The following AGBL1 variants were observed in gnomAD, a reference collection of about 807,000 sequenced individuals.
The protein encoded by AGBL1 is cytosolic carboxypeptidase 4.
Under a neutral mutation model 118.9 loss-of-function variants are expected in AGBL1, and 130 were observed. The observed-to-expected ratio is 1.09, with a 90% confidence interval of 0.95 to 1.26. The LOEUF (loss-of-function observed/expected upper bound fraction) is 1.26. Ranked by LOEUF, AGBL1 falls within the 50% of genes most tolerant of loss-of-function variation. The pLI is 0.00. For synonymous variants in AGBL1, 555 were observed against 478.9 expected, an observed-to-expected ratio of 1.16 and a Z score of -2.08; for missense variants, 1,584 against 1,298.1, an observed-to-expected ratio of 1.22 and a Z score of -3.38.
chr15:86,684,338 G>A (rs138730597), intron 22 of AGBL1, among the ~76,000 whole-genome samples: 340 of 152,214 alleles, frequency 2.2e-3, no homozygotes, highest in African/African-American at 7.9e-3. Flanking sequence ...CTCTCAGGAA[G>A]GAAGGAAGTA....
chr15:86,968,564 G>A lies in AGBL1; in HGVS notation c.3222-19423G>A, dbSNP rs138101347. On this transcript the variant is annotated intron_variant, in intron 23 of 24. Coordinates refer to the AGBL1 transcript ENST00000441037. ...TGGAAGCAAAATGATCTTAGGCCCC[G>A]TGACTACACCATGTAACTAAATTTG... is the stretch of plus-strand genomic sequence containing the variant. 4.8e-3 allele frequency among the ~76,000 whole-genome samples: 728 copies of A among 150,548 alleles called. 8 individuals are homozygous for A. The highest frequency in any genetic ancestry group is 0.017 in the African/African-American group (693 of 41,032).
chr15:86,582,811 T>C, intron 21 of AGBL1, among the ~76,000 whole-genome samples: 1 of 133,710 alleles, frequency 7.5e-6, no homozygotes, highest in Non-Finnish European at 1.5e-5. Flanking sequence ...AATTGAACAA[T>C]GAGAACACAT....
intron 22 of AGBL1, among the ~76,000 whole-genome samples, chr15:86,886,151 A>G (rs1229894522): frequency 6.6e-6 from 1 of 152,222 alleles, no homozygotes; most frequent in Non-Finnish European, 1.5e-5. Flanking sequence ...CTGTTCTCAT[A>G]CTTCATATGA....
intron 22 of AGBL1, among the ~76,000 whole-genome samples, chr15:86,877,556 G>A (rs111590396): frequency 0.023 from 3,527 of 152,244 alleles, 67 homozygotes; most frequent in Middle Eastern, 0.1. Context: ...TAAGTAGAAG[G>A]TAATGAAGCA....
chr15:86,842,125 G>A (rs2079254526), intron 22 of AGBL1, among the ~76,000 whole-genome samples: 1 of 151,928 alleles, frequency 6.6e-6, no homozygotes, highest in South Asian at 2.1e-4. Context: ...TTACCTAGAG[G>A]AAACTGCTTT....
chr15:86,183,486 C>T (rs1165176109), intron 5 of AGBL1, among the ~76,000 whole-genome samples: 1 of 152,080 alleles, frequency 6.6e-6, no homozygotes, highest in African/African-American at 2.4e-5. Flanking sequence ...TCCTGATGTC[C>T]TATGCATATG....
intron 5 of AGBL1, among the ~76,000 whole-genome samples, chr15:86,216,322 T>A (rs928413906): frequency 2.0e-5 from 3 of 152,158 alleles, no homozygotes; most frequent in Non-Finnish European, 4.4e-5. Flanking sequence ...GCAGAATATG[T>A]ATCTTTATCT....
chr15:86,944,819 G>T (rs766401319), intron 23 of AGBL1, among the ~76,000 whole-genome samples: 1 of 152,122 alleles, frequency 6.6e-6, no homozygotes, highest in Non-Finnish European at 1.5e-5. Flanking sequence ...AGGGCAATAA[G>T]TAAGAATCTT....
At chr15:86,418,826 A>T (rs1301279163) in intron 18 of AGBL1, among the ~76,000 whole-genome samples, 1 of 152,054 alleles carries the variant, frequency 6.6e-6, no homozygotes, top group Admixed American at 6.6e-5. Context: ...GCTTGTCGGG[A>T]TGATTTAGTC....
intron 22 of AGBL1, among the ~76,000 whole-genome samples, chr15:86,750,482 C>T (rs1272824401): frequency 6.6e-6 from 1 of 150,754 alleles, no homozygotes; most frequent in African/African-American, 2.4e-5. Context: ...ATGGCTAGAT[C>T]ATCAGTTATT....
intron 21 of AGBL1, among the ~76,000 whole-genome samples, chr15:86,647,475 T>G (rs2142485382): frequency 6.6e-6 from 1 of 152,218 alleles, no homozygotes; most frequent in African/African-American, 2.4e-5. Context: ...CCAAAGCGGG[T>G]AGATCACCTG....
At chr15:86,986,241 A>G (rs995369392) in intron 23 of AGBL1, among the ~76,000 whole-genome samples, 6 of 152,156 alleles carry the variant, frequency 3.9e-5, no homozygotes, top group Admixed American at 1.3e-4. Context: ...CAATTGTTAG[A>G]GTACTATCTG....
chr15:86,427,741 T>C (rs1284402138), intron 18 of AGBL1, among the ~76,000 whole-genome samples: 1 of 152,198 alleles, frequency 6.6e-6, no homozygotes, highest in Non-Finnish European at 1.5e-5. Context: ...TCCCTTAATA[T>C]AGTTAACAGA....
At chr15:86,629,768 G>A (rs907899997) in intron 21 of AGBL1, among the ~76,000 whole-genome samples, 17 of 152,160 alleles carry the variant, frequency 1.1e-4, no homozygotes, top group Middle Eastern at 3.4e-3. Context: ...AGAATTTCCC[G>A]TTCATATTTA....
intron 22 of AGBL1, 50 bp downstream of exon 22, chr15:86,674,486 T>C: frequency 6.4e-7 from 1 of 1,563,760 alleles, no homozygotes; most frequent in Non-Finnish European, 8.7e-7. Context: ...GTGGTTCCAT[T>C]GCTCAATATC....
intron 22 of AGBL1, among the ~76,000 whole-genome samples, chr15:86,766,253 G>T (rs2141280003): frequency 6.6e-6 from 1 of 151,694 alleles, no homozygotes; most frequent in African/African-American, 2.4e-5. Context: ...TGTCTCCCAG[G>T]GTGTACCGCC....
At chr15:86,335,780 G>T (rs2080358435) in intron 17 of AGBL1, among the ~76,000 whole-genome samples, 1 of 152,218 alleles carries the variant, frequency 6.6e-6, no homozygotes, top group Non-Finnish European at 1.5e-5. Context: ...AGAAATGAAA[G>T]AAGGGAATAG....
At chr15:86,086,404 G>A (rs1397676570) in intron 1 of AGBL1, 2 of 152,140 alleles carry the variant, frequency 1.3e-5, no homozygotes, top group Non-Finnish European at 2.9e-5. Context: ...GGTTTGTGGG[G>A]TCTGTGCTTT....
chr15:86,196,878 C>T (rs34208635), intron 5 of AGBL1, among the ~76,000 whole-genome samples: 310 of 100,120 alleles, frequency 3.1e-3, no homozygotes, highest in Middle Eastern at 0.01. Flanking sequence ...TGCGCGCGCG[C>T]GCACACACAC....
Sources: allele counts gnomAD v4.1 joint callset (sites outside exome capture counted in the v4.1 genomes callset), GRCh38; gene constraint gnomAD v4.1.1; transcripts MANE v1.5; gene names NCBI Gene and HGNC (gene_info 2026-07-23, HGNC 2026-07-21).